KRT76: variants seen among roughly 807,000 people sequenced by gnomAD.
KRT76 encodes keratin, type II cytoskeletal 2 oral.
Under a neutral mutation model 44.9 loss-of-function variants are expected in KRT76, and 47 were observed. The ratio of observed to expected loss-of-function variants is 1.05; its 90% CI spans 0.83 to 1.33. The LOEUF is 1.33. Among genes scored for constraint, KRT76 ranks in the 40% most tolerant of loss-of-function variants. The pLI is 0.00. For missense variants in KRT76, 860 were observed against 775.8 expected (o/e 1.11, Z -1.29); for synonymous variants, 331 against 294.1 (o/e 1.13, Z -1.28).
At chr12:52,774,441 T>A (rs1050982087) in intron 2 of KRT76, among the ~76,000 whole-genome samples, 1 of 152,250 alleles carries the variant, frequency 6.6e-6, no homozygotes, top group Admixed American at 6.5e-5. Context: ...TTACTTCTTA[T>A]AGGAATTTCA....
Position 52,777,149 on chromosome 12 carries a change from C to T in KRT76, c.143G>A (p.Ser48Asn), listed in dbSNP as rs772021917. The T allele has an allele frequency of 1.2e-6, 2 of 1,614,106 alleles. No homozygotes were observed. The highest frequency in any genetic ancestry group is 1.7e-6 in the Non-Finnish European group (2 of 1,180,048). ...GAGGGACGFR[S>N]GAGSFGSRSL... ...GCGACTGCCAAAGCTGCCTGCTCCGCTCCTGAAGCCACAGGCCCCTCCACC... is the reference window on the plus strand; with the variant it reads ...GCGACTGCCAAAGCTGCCTGCTCCGTTCCTGAAGCCACAGGCCCCTCCACC... The change falls in exon 1 of 9, where the codon AGC (serine) becomes AAC (asparagine). Residue 48 changes from serine to asparagine, a missense_variant. Physicochemically the swap from Ser to Asn is conservative, Grantham distance 46. Coordinates refer to ENST00000332411, the MANE Select transcript of KRT76 (RefSeq NM_015848.4).
rs1383370729 is a variant in KRT76 at position 52,776,806 on chromosome 12, C to G, written c.486G>C (p.Gln162His). 4 of 1,614,040 alleles carry G rather than the reference C, an allele frequency of 2.5e-6. No individual in the cohort carries two copies. The highest frequency in any genetic ancestry group is 2.7e-5 in the African/African-American group (2 of 74,896). The stretch of plus-strand genomic sequence containing the variant: ...CCACATTGAGGGGCTGCAGGAGACT[C>G]TGGTTTACAATCACTTCCTGAATTC... ...PGGIQEVIVN[Q>H]SLLQPLNVEI... Residue 162 changes from glutamine (Q) to histidine (H), a missense_variant, in exon 1 of 9, where the codon CAG becomes CAC. Transcript: ENST00000332411.
rs1939197486 is a variant in KRT76, at chr12:52,772,266, A to G, written c.973-8T>C. 2 of 1,588,156 alleles carry G rather than the reference A, an allele frequency of 1.3e-6. No individual in the cohort carries two copies. ...TTGCATCTGGGACAGCTCCTGCAGGAAACATGGATAGTTACTCTTACCATC... is the reference window on the plus strand; with the variant it reads ...TTGCATCTGGGACAGCTCCTGCAGGGAACATGGATAGTTACTCTTACCATC... On this transcript the variant is annotated splice_polypyrimidine_tract_variant and splice_region_variant and intron_variant, in intron 4 of 8. Transcript: ENST00000332411.
At position 52,773,729 on chromosome 12, in the gene KRT76, C is replaced by T. The variant is rs969828575; in HGVS notation, c.816-87G>A. 3.0e-5 allele frequency: 34 copies of T among 1,119,090 alleles called. No individual in the cohort carries two copies. In the East Asian group the frequency reaches 4.1e-4, roughly 13 times the overall value. 69.3% of individuals were successfully genotyped at this position (1,119,090 alleles called of 1,614,324 possible). On this transcript the variant is annotated intron_variant, in intron 2 of 8. Coordinates refer to ENST00000332411, the MANE Select transcript of KRT76 (RefSeq NM_015848.4). ...GGATTCCAGGCACTCTCCTCACCTGCGCAGAGACAGGACGAGCTTCATGGG... is the reference window on the plus strand; with the variant it reads ...GGATTCCAGGCACTCTCCTCACCTGTGCAGAGACAGGACGAGCTTCATGGG...
At chr12:52,773,480 C>CA in intron 3 of KRT76, 102 bp downstream of exon 3, 3 of 749,972 alleles carry the variant, frequency 4.0e-6, no homozygotes, top group Non-Finnish European at 6.8e-6. Context: ...ATCCCACACA[C>CA]AATATAAGGT....
In KRT76 at chr12:52,771,914, A is replaced by G; in HGVS notation, c.1220T>C (p.Met407Thr). ...TKSEIMELNR[M>T]IQRLRAEIEN... ...AATCTCAGCCCGTAGCCTCTGGATC[A>G]TCCTGTTGAGCTCCATGATCTCACT... Residue 407 changes from methionine to threonine, a missense_variant, in exon 6 of 9, where the codon ATG becomes ACG. Physicochemically the swap from Met to Thr is moderately conservative, Grantham distance 81. Coordinates refer to ENST00000332411, the MANE Select transcript of KRT76 (RefSeq NM_015848.4). The G allele has an allele frequency of 6.2e-7, 1 of 1,614,160 alleles. No individual in the cohort carries two copies. Among genetic ancestry groups the G allele is most frequent in the Non-Finnish European group, 8.5e-7 (1 of 1,180,020 alleles).
chr12:52,771,298 A>C (rs1334252040), intron 6 of KRT76, 79 bp from the exon 7 acceptor site: 1 of 1,312,490 alleles, frequency 7.6e-7, no homozygotes, highest in Non-Finnish European at 1.1e-6. Flanking sequence ...CTTCCCCCAC[A>C]TCCTGCATCC....
Position 52,768,485 on chromosome 12 carries a change from A to G in KRT76, c.*228T>C, listed in dbSNP as rs538947962. 2 of 506,034 alleles carry G rather than the reference A, an allele frequency of 4.0e-6. No individual in the cohort carries two copies. Among genetic ancestry groups the G allele is most frequent in the Non-Finnish European group, 6.9e-6 (2 of 288,534 alleles). 31.3% of individuals were successfully genotyped at this position (506,034 alleles called of 1,614,324 possible). On this transcript the variant is annotated 3_prime_UTR_variant, in exon 9 of 9. Transcript: ENST00000332411. ...GGGTTGCTGTCCAAAGTAAGGGGCC[A>G]TTGCAGGAAGGTTTCCAGGGGCATC...
At chr12:52,775,716 C>T (rs904897017) in intron 1 of KRT76, 114 bp from the exon 2 acceptor site, 8 of 782,370 alleles carry the variant, frequency 1.0e-5, no homozygotes, top group Non-Finnish European at 2.1e-6. Flanking sequence ...TACAATTTCC[C>T]CTGTTTTTTA....
At chr12:52,775,176 G>A (rs1261774624) in intron 2 of KRT76, among the ~76,000 whole-genome samples, 1 of 152,164 alleles carries the variant, frequency 6.6e-6, no homozygotes. Context: ...GAATAGGAGG[G>A]GGCCCATCTG....
At chr12:52,774,102 G>A (rs1939226782) in intron 2 of KRT76, among the ~76,000 whole-genome samples, 1 of 152,174 alleles carries the variant, frequency 6.6e-6, no homozygotes, top group Non-Finnish European at 1.5e-5. Flanking sequence ...AAAGTACTGG[G>A]ATTACAGGCA....
chr12:52,770,674 T>A (rs1939165536), intron 7 of KRT76, among the ~76,000 whole-genome samples: 1 of 152,296 alleles, frequency 6.6e-6, no homozygotes, highest in Non-Finnish European at 1.5e-5. Context: ...AGCACAAGAA[T>A]AGAAAATTTT....
Position 52,777,100 on chromosome 12 carries a change from G to T in KRT76, c.192C>A (p.Asn64Lys). ...GSRSLYNLGS[N>K]KSISISVAAG... ...CTGCCACGCTGATGGAGATGCTCTT[G>T]TTGCTGCCCAGGTTGTAGAGGCTGC... Residue 64 changes from asparagine (N) to lysine (K), a missense_variant, in exon 1 of 9, where the codon AAC (asparagine) becomes AAA (lysine). Asn to Lys is a moderately conservative substitution (Grantham distance 94, BLOSUM62 0). Transcript: ENST00000332411. 1 of 1,614,230 alleles carries T rather than the reference G, an allele frequency of 6.2e-7. No homozygotes were observed. Among genetic ancestry groups the T allele is most frequent in the Non-Finnish European group, 8.5e-7 (1 of 1,180,052 alleles).
intron 1 of KRT76, among the ~76,000 whole-genome samples, 200 bp from the exon 2 acceptor site, chr12:52,775,802 T>C (rs139152164): frequency 1.1e-3 from 166 of 152,360 alleles, no homozygotes; most frequent in African/African-American, 3.7e-3. Context: ...GTTATTTTCA[T>C]GTATTTCCGT....
chr12:52,773,707 T>G (rs1939220439), intron 2 of KRT76, 65 bp from the exon 3 acceptor site: 8 of 1,349,758 alleles, frequency 5.9e-6, no homozygotes, highest in Non-Finnish European at 8.5e-6. Context: ...GAGGTGAGGA[T>G]TCCAGGCACT....
Position 52,771,088 on chromosome 12 carries a change from C to T in KRT76, c.1395G>A (p.Leu465=), listed in dbSNP as rs1315414684. The T allele has an allele frequency of 6.2e-7, 1 of 1,614,126 alleles. No homozygotes were observed. The highest frequency in any genetic ancestry group is 1.3e-5 in the African/African-American group (1 of 75,024). The part of the protein sequence containing the change: ...QKAKDDLARL[L]RDYQELMNVK... ...CGTTCATCAGCTCCTGGTAGTCACG[C>T]AGGAGCCGAGCCAGGTCATCCTTAG... Residue 465 remains leucine, a synonymous_variant, in exon 7 of 9, where the codon CTG becomes CTA. Transcript: ENST00000332411.
Position 52,768,381 on chromosome 12 carries a change from C to G in KRT76, c.*332G>C. 2 of 262,644 alleles carry G rather than the reference C, an allele frequency of 7.6e-6. No homozygotes were observed. The highest frequency in any genetic ancestry group is 1.5e-5 in the Non-Finnish European group (2 of 136,870). The allele number at this position is 262,644 out of a possible 1,614,324, so 16.3% of individuals were successfully genotyped here. ...TGCTGAGATGACTGGCTTCAAATCT[C>G]CAACTCCCAGTAAGAAAGGGAGATG... On this transcript the variant is annotated 3_prime_UTR_variant, in exon 9 of 9. Transcript: ENST00000332411.
intron 8 of KRT76, among the ~76,000 whole-genome samples, chr12:52,769,348 G>A (rs955328085): frequency 6.6e-6 from 1 of 152,198 alleles, no homozygotes; most frequent in Non-Finnish European, 1.5e-5. Flanking sequence ...CCAAACCAGA[G>A]GGGCTTTAGC....
At position 52,771,899 on chromosome 12, in the gene KRT76, C is replaced by G; in HGVS notation, c.1235G>C (p.Arg412Pro). Residue 412 changes from arginine (R) to proline (P), a missense_variant, in exon 6 of 9, where the codon CGG becomes CCG. By Grantham distance (103) the Arg-to-Pro change is moderately radical (BLOSUM62 -2). Coordinates refer to ENST00000332411, the MANE Select transcript of KRT76 (RefSeq NM_015848.4). ...CTTCTTGACATTTTCAATCTCAGCC[C>G]GTAGCCTCTGGATCATCCTGTTGAG... ...MELNRMIQRL[R>P]AEIENVKKQN... is the part of the protein sequence containing the mutation. The G allele has an allele frequency of 1.2e-6, 2 of 1,614,036 alleles. No individual in the cohort carries two copies. The highest frequency in any genetic ancestry group is 1.7e-6 in the Non-Finnish European group (2 of 1,179,950).
Sources: allele counts gnomAD v4.1 joint callset (sites outside exome capture counted in the v4.1 genomes callset), GRCh38; gene constraint gnomAD v4.1.1; transcripts MANE v1.5; gene names NCBI Gene and HGNC (gene_info 2026-07-23, HGNC 2026-07-21).